The following MPPED2 variants were observed in gnomAD, a reference collection of about 807,000 sequenced individuals.
The protein encoded by MPPED2 is metallophosphoesterase MPPED2.
MPPED2 carries 5 observed loss-of-function variants against 33.0 expected under a neutral mutation model. The ratio of observed to expected loss-of-function variants is 0.15; its 90% confidence interval spans 0.08 to 0.32. The LOEUF is 0.32. Among genes scored for constraint, MPPED2 ranks in the 10% least tolerant of loss-of-function variants. MPPED2 has a pLI of 1.00. For synonymous variants in MPPED2, 136 were observed against 141.9 expected (o/e 0.96, Z 0.29); for missense variants, 275 against 372.1 (o/e 0.74, Z 2.15).
At chr11:30,476,438 G>T (rs1202264041) in intron 4 of MPPED2, among the ~76,000 whole-genome samples, 1 of 151,826 alleles carries the variant, frequency 6.6e-6, no homozygotes. Context: ...TTTTGTATGT[G>T]GTATGAGGTA....
chr11:30,483,058 T>G (rs1031551716), intron 4 of MPPED2, among the ~76,000 whole-genome samples: 1 of 152,192 alleles, frequency 6.6e-6, no homozygotes, highest in Admixed American at 6.5e-5. Context: ...TCGTCTCTCA[T>G]GGGCCTGCCT....
intron 6 of MPPED2, among the ~76,000 whole-genome samples, chr11:30,393,559 G>T (rs1947805399): frequency 1.3e-5 from 2 of 151,960 alleles, no homozygotes; most frequent in Non-Finnish European, 2.9e-5. Context: ...ATAGTATATA[G>T]TTACTATTTA....
intron 4 of MPPED2, among the ~76,000 whole-genome samples, chr11:30,438,131 G>C: frequency 6.6e-6 from 1 of 152,150 alleles, no homozygotes; most frequent in South Asian, 2.1e-4. Context: ...TTTATTAAAT[G>C]AACAAAGTAT....
chr11:30,458,126 G>A (rs777111352), intron 4 of MPPED2, among the ~76,000 whole-genome samples: 9 of 152,096 alleles, frequency 5.9e-5, no homozygotes, highest in South Asian at 4.1e-4. Flanking sequence ...ATTTTCTCTC[G>A]TGCCTAATGA....
intron 1 of MPPED2, chr11:30,584,349 CACACACA>C (rs1957342108): frequency 1.5e-5 from 1 of 68,418 alleles, no homozygotes; most frequent in African/African-American, 4.3e-5. Context: ...ACTACACACA[CACACACA>C]CACACACACA....
intron 6 of MPPED2, among the ~76,000 whole-genome samples, chr11:30,401,151 G>A (rs896100792): frequency 6.6e-6 from 1 of 152,104 alleles, no homozygotes; most frequent in African/African-American, 2.4e-5. Context: ...AAAATAGTTT[G>A]GTTTTCGAAA....
At chr11:30,402,982 A>G (rs1305498038) in intron 6 of MPPED2, among the ~76,000 whole-genome samples, 1 of 152,228 alleles carries the variant, frequency 6.6e-6, no homozygotes, top group Non-Finnish European at 1.5e-5. Flanking sequence ...GCAGTGGCTC[A>G]TGCCTGTATT....
At chr11:30,555,139 A>C (rs559015190) in intron 2 of MPPED2, among the ~76,000 whole-genome samples, 1 of 152,238 alleles carries the variant, frequency 6.6e-6, no homozygotes, top group Admixed American at 6.5e-5. Context: ...CTCCTCATGG[A>C]AACTATTTTA....
intron 2 of MPPED2, among the ~76,000 whole-genome samples, chr11:30,544,980 G>T (rs1360459539): frequency 6.6e-6 from 1 of 152,192 alleles, no homozygotes; most frequent in African/African-American, 2.4e-5. Context: ...ATTAAGAGTG[G>T]TGTGAAAGCA....
chr11:30,540,030 T>G (rs572283227), intron 2 of MPPED2, among the ~76,000 whole-genome samples: 1 of 152,206 alleles, frequency 6.6e-6, no homozygotes, highest in African/African-American at 2.4e-5. Context: ...AAGTTCTGTT[T>G]CAGATTCTGT....
At position 30,586,265 on chromosome 11, in the gene MPPED2, A is replaced by C. The variant is rs1385147590; in HGVS notation, c.-345T>G. On this transcript the variant is annotated 5_prime_UTR_variant, in exon 1 of 7. Coordinates refer to ENST00000358117, the MANE Select transcript of MPPED2 (RefSeq NM_001584.3). This position sits in a 1 kb window ranked among gnomAD's most constrained non-coding sequence, Gnocchi z 4.8. ...GGGAGGCGGGGGGAGAAAGGACCCG[A>C]GCAGCCTCGATCTGGGGAGAGAGCG... The C allele has an allele frequency of 6.5e-6, 1 of 153,218 alleles. No homozygotes were observed. The highest frequency in any genetic ancestry group is 1.9e-4 in the East Asian group (1 of 5,188). The allele number at this position is 153,218 out of a possible 1,614,324, so 9.5% of individuals were successfully genotyped here. A position where few individuals can be genotyped will look rare whatever the true frequency, so the allele number is the denominator to read the frequency against.
At chr11:30,500,517 G>C (rs1193496600) in intron 3 of MPPED2, among the ~76,000 whole-genome samples, 1 of 152,168 alleles carries the variant, frequency 6.6e-6, no homozygotes, top group African/African-American at 2.4e-5. Flanking sequence ...TGTAGTCTCT[G>C]CTACATGTTA....
At chr11:30,385,313 C>T (rs1947690050) in exon 7 of MPPED2, 1 of 152,178 alleles carries the variant, frequency 6.6e-6, no homozygotes, top group African/African-American at 2.4e-5. Context: ...GGTTTTACTT[C>T]AATGTGAACT....
intron 3 of MPPED2, among the ~76,000 whole-genome samples, chr11:30,525,283 G>T (rs1184194594): frequency 6.6e-6 from 1 of 152,204 alleles, no homozygotes; most frequent in East Asian, 1.9e-4. Context: ...ATCTTCTGAG[G>T]ATGAAGTCTC....
chr11:30,498,357 G>T (rs1952388571), intron 3 of MPPED2, among the ~76,000 whole-genome samples: 1 of 152,106 alleles, frequency 6.6e-6, no homozygotes, highest in Non-Finnish European at 1.5e-5. Flanking sequence ...GGTCAAGACA[G>T]GCAGATCACC....
At chr11:30,504,755 C>G (rs1193511532) in intron 3 of MPPED2, 4 of 1,287,944 alleles carry the variant, frequency 3.1e-6, no homozygotes, top group Non-Finnish European at 4.1e-6. Flanking sequence ...TGGAGCCACA[C>G]AGCAGGTTCA....
chr11:30,443,212 G>C (rs1949661727), intron 4 of MPPED2, among the ~76,000 whole-genome samples: 1 of 152,140 alleles, frequency 6.6e-6, no homozygotes, highest in African/African-American at 2.4e-5. Context: ...CATTTATGAT[G>C]GGAAGATCGT....
intron 1 of MPPED2, among the ~76,000 whole-genome samples, chr11:30,581,717 G>A (rs1257896030): frequency 1.3e-5 from 2 of 152,142 alleles, no homozygotes; most frequent in Non-Finnish European, 2.9e-5. Flanking sequence ...TACAACCCGG[G>A]GCTTGAGTAA....
intron 4 of MPPED2, chr11:30,429,386 C>T (rs1030138248): frequency 2.0e-5 from 3 of 152,154 alleles, no homozygotes; most frequent in Admixed American, 6.5e-5. Flanking sequence ...TGTTAGCCCC[C>T]ATTTATCTAC....
Sources: gnomAD v4.1 joint callset for allele counts (sites outside exome capture counted in the v4.1 genomes callset) on GRCh38, gnomAD v4.1.1 for gene constraint, Gnocchi (gnomAD v3.1) non-coding constraint, MANE v1.5 for transcripts, NCBI Gene and HGNC (gene_info 2026-07-23, HGNC 2026-07-21) for gene names.